GRXCR2: variants seen among roughly 807,000 people sequenced by gnomAD.
The protein encoded by GRXCR2 is glutaredoxin domain-containing cysteine-rich protein 2.
Under a neutral mutation model 24.8 loss-of-function variants are expected in GRXCR2, and 23 were observed. The ratio of observed to expected loss-of-function variants is 0.93; its 90% CI spans 0.67 to 1.32. The LOEUF (loss-of-function observed/expected upper bound fraction) is 1.32, where lower values mean the gene tolerates loss of function less well. GRXCR2 is among the 40% of genes most tolerant of loss of function. The pLI, the probability that GRXCR2 is intolerant of heterozygous loss-of-function variation, is 0.00. For synonymous variants in GRXCR2, 130 were observed against 116.1 expected, an observed-to-expected ratio of 1.12 and a Z score of -0.77; for missense variants, 315 against 303.4, an observed-to-expected ratio of 1.04 and a Z score of -0.28.
intron 2 of GRXCR2, among the ~76,000 whole-genome samples, chr5:145,931,032 G>GTGTGT (rs1441673690): frequency 7.9e-5 from 12 of 152,000 alleles, no homozygotes; most frequent in Admixed American, 7.2e-4. Context: ...CTTTTTGTCT[G>GTGTGT]TTTGTTTTGT....
intron 2 of GRXCR2, among the ~76,000 whole-genome samples, chr5:145,885,764 G>C (rs1277532484): frequency 1.3e-5 from 2 of 152,194 alleles, no homozygotes. Context: ...CATGAGGTCA[G>C]TATTCCGAGG....
intron 2 of GRXCR2, among the ~76,000 whole-genome samples, chr5:145,896,078 T>C (rs921971042): frequency 1.3e-5 from 2 of 152,104 alleles, no homozygotes; most frequent in Admixed American, 6.5e-5. Context: ...TGGCTAGCCA[T>C]ATGTAGAAAG....
In GRXCR2 at chr5:145,858,651, T is replaced by A. The variant is rs947520330; in HGVS notation, c.*1082A>T. 10 of 152,164 alleles carry A rather than the reference T, an allele frequency of 6.6e-5. No individual in the cohort carries two copies. Among genetic ancestry groups the A allele is most frequent in the Admixed American group, 1.3e-4 (2 of 15,278 alleles). 9.4% of individuals were successfully genotyped at this position (152,164 alleles called of 1,614,324 possible). A position where few individuals can be genotyped will look rare whatever the true frequency, so the allele number is the denominator to read the frequency against. On this transcript the variant is annotated 3_prime_UTR_variant, in exon 3 of 3. Transcript: ENST00000377976. ...AATTATTAAGTTATGAAATCAAAAT[T>A]ATTATCACAGAATGCAGCAGGTCTC...
chr5:145,879,989 A>T (rs1756675228), intron 2 of GRXCR2, among the ~76,000 whole-genome samples: 1 of 152,232 alleles, frequency 6.6e-6, no homozygotes, highest in Non-Finnish European at 1.5e-5. Flanking sequence ...TGTTCTTTGA[A>T]ATCAATGAGA....
rs539754174 is a variant in GRXCR2 at position 145,910,558 on chromosome 5, C to T, written c.-70+25143G>A. ...TATACTTATAATAGTATAAGTATAG[C>T]TACTTCTACTTTGTATATACTTTCG... On this transcript the variant is annotated intron_variant, in intron 2 of 3. Transcript: ENST00000639411. Among the ~76,000 whole-genome samples the T allele has an allele frequency of 2.4e-4, 37 of 152,088 alleles. 1 individual carries two copies. The East Asian group carries it at 6.2e-3, about 25-fold the overall frequency.
At chr5:145,866,440 A>G in intron 2 of GRXCR2, 61 bp downstream of exon 2, 1 of 1,213,586 alleles carries the variant, frequency 8.2e-7, no homozygotes, top group Non-Finnish European at 1.2e-6. Flanking sequence ...CAATCAAGCC[A>G]GCTTGGAGAC....
intron 2 of GRXCR2, among the ~76,000 whole-genome samples, chr5:145,897,568 A>AT (rs1336417391): frequency 6.6e-6 from 1 of 152,110 alleles, no homozygotes; most frequent in Non-Finnish European, 1.5e-5. Flanking sequence ...ATTCTCAGCC[A>AT]TAAAGCAAGT....
At position 145,872,753 on chromosome 5, in the gene GRXCR2, C is replaced by A; in HGVS notation, c.216G>T (p.Arg72Ser). The change falls in exon 1 of 3, where the codon AGG becomes AGT. Residue 72 changes from arginine to serine, a missense_variant. Physicochemically the swap from Arg to Ser is moderately radical, Grantham distance 110 (BLOSUM62 -1). Transcript: ENST00000377976. ...TCAGCTTAGGGGAGCACATCTGGGG[C>A]CTGGGGACTTCCCCAGACCCATAAA... ...DGVYGSGEVPRPQMCSPKLTA... is the reference protein window; with the variant it reads ...DGVYGSGEVPSPQMCSPKLTA... The A allele has an allele frequency of 6.2e-7, 1 of 1,613,090 alleles. No individual in the cohort carries two copies. Among genetic ancestry groups the A allele is most frequent in the Non-Finnish European group, 8.5e-7 (1 of 1,179,034 alleles).
chr5:145,865,455 C>T lies in GRXCR2; in HGVS notation c.564+1046G>A, dbSNP rs1907063. On this transcript the variant is annotated intron_variant, in intron 2 of 2. Coordinates refer to ENST00000377976, the MANE Select transcript of GRXCR2 (RefSeq NM_001080516.2). ...TATGAGAGGAAAACATTGGAATATT[C>T]ATATTTACTTTTTATCTACAATTAG... Among the ~76,000 whole-genome samples, 821 of 152,266 alleles carry T rather than the reference C, an allele frequency of 5.4e-3. 5 individuals are homozygous for T. The highest frequency in any genetic ancestry group is 0.018 in the African/African-American group (753 of 41,544).
At position 145,872,489 on chromosome 5, in the gene GRXCR2, TAAC is replaced by T. The variant is rs577036616; in HGVS notation, c.336+141_336+143del. 4.9e-3 allele frequency: 2,930 copies of T among 602,356 alleles called. 20 individuals are homozygous for T. The highest frequency in any genetic ancestry group is 7.1e-3 in the Non-Finnish European group (2,528 of 354,408). 37.3% of individuals were successfully genotyped at this position (602,356 alleles called of 1,614,324 possible). The stretch of plus-strand genomic sequence containing the variant: ...TTTTACCCCAGAAATATTCGTCTAA[TAAC>T]AACTTCCCATTTGGTGCACCAACAG... On this transcript the variant is annotated intron_variant, in intron 1 of 2. Coordinates refer to ENST00000377976, the MANE Select transcript of GRXCR2 (RefSeq NM_001080516.2).
intron 2 of GRXCR2, among the ~76,000 whole-genome samples, chr5:145,889,538 A>G (rs562099834): frequency 6.6e-6 from 1 of 152,180 alleles, no homozygotes; most frequent in Non-Finnish European, 1.5e-5. Flanking sequence ...TCTCCACATC[A>G]CTCACTTTTT....
rs1381202966 is a variant in GRXCR2 at position 145,868,703 on chromosome 5, A to C, written c.337-1975T>G. ...GACAAAACTCTCAATACGCTAAAAG[A>C]ATCTGAGATCACCTACTCCAAACCC... On this transcript the variant is annotated intron_variant, in intron 1 of 2. Coordinates refer to ENST00000377976, the MANE Select transcript of GRXCR2 (RefSeq NM_001080516.2). 5.3e-5 allele frequency among the ~76,000 whole-genome samples: 8 copies of C among 152,262 alleles called. No individual in the cohort carries two copies. In the East Asian group the frequency reaches 1.5e-3, roughly 29 times the overall value.
upstream of GRXCR2, among the ~76,000 whole-genome samples, chr5:145,876,838 T>C (rs1756626304): frequency 6.6e-6 from 1 of 152,134 alleles, no homozygotes; most frequent in African/African-American, 2.4e-5. Context: ...AACAAATTGA[T>C]AAATCGAAAG....
chr5:145,871,952 A>G (rs1352220202), intron 1 of GRXCR2, among the ~76,000 whole-genome samples: 5 of 152,220 alleles, frequency 3.3e-5, no homozygotes, highest in Admixed American at 2.6e-4. Flanking sequence ...TTCTACCTTA[A>G]AAGAAAATCA....
At chr5:145,885,899 A>G (rs143805087) in intron 2 of GRXCR2, among the ~76,000 whole-genome samples, 170 of 152,282 alleles carry the variant, frequency 1.1e-3, no homozygotes, top group African/African-American at 4.0e-3. Context: ...CATAAGAAAA[A>G]GGTAGTTCAC....
intron 2 of GRXCR2, among the ~76,000 whole-genome samples, chr5:145,930,652 G>T (rs1426663143): frequency 2.0e-5 from 3 of 152,154 alleles, no homozygotes; most frequent in Non-Finnish European, 2.9e-5. Context: ...TGGAGGTTAG[G>T]GATACATTGT....
chr5:145,907,066 G>T (rs554221730), intron 2 of GRXCR2, among the ~76,000 whole-genome samples: 1 of 152,094 alleles, frequency 6.6e-6, no homozygotes, highest in Non-Finnish European at 1.5e-5. Context: ...CAAGGAGGCC[G>T]GGGTGGCTAA....
chr5:145,886,716 T>C (rs1056414997), intron 2 of GRXCR2, among the ~76,000 whole-genome samples: 3 of 152,186 alleles, frequency 2.0e-5, no homozygotes, highest in African/African-American at 7.2e-5. Flanking sequence ...GTAAGCCACA[T>C]ACATATTTTT....
At chr5:145,882,443 G>A (rs1170051640) in intron 2 of GRXCR2, among the ~76,000 whole-genome samples, 2 of 152,214 alleles carry the variant, frequency 1.3e-5, no homozygotes, top group African/African-American at 4.8e-5. Context: ...CTGGTCATCG[G>A]AGAAATGCAA....
Sources: allele counts gnomAD v4.1 joint callset (sites outside exome capture counted in the v4.1 genomes callset), GRCh38; gene constraint gnomAD v4.1.1; transcripts MANE v1.5; gene names NCBI Gene and HGNC (gene_info 2026-07-23, HGNC 2026-07-21).